The following CAMK1D variants were observed in gnomAD, a reference collection of about 807,000 sequenced individuals.
CAMK1D encodes the protein calcium/calmodulin-dependent protein kinase type 1D.
A neutral mutation model predicts 47.7 loss-of-function variants in CAMK1D; 9 were observed. The ratio of observed to expected loss-of-function variants is 0.19; its 90% CI spans 0.11 to 0.33. The LOEUF is 0.33. Ranked by LOEUF, CAMK1D falls within the 10% of genes least tolerant of loss-of-function variation. CAMK1D has a pLI of 1.00. For missense variants in CAMK1D, 291 were observed against 488.7 expected, an observed-to-expected ratio of 0.60 and a Z score of 3.81; for synonymous variants, 184 against 184.9, an observed-to-expected ratio of 0.99 and a Z score of 0.04.
chr10:12,690,773 G>A (rs778336714), intron 3 of CAMK1D, among the ~76,000 whole-genome samples: 2 of 152,126 alleles, frequency 1.3e-5, no homozygotes, highest in Non-Finnish European at 2.9e-5. Context: ...CATGGGGATT[G>A]GGAGAGCTGG....
In CAMK1D at chr10:12,664,415, T is replaced by C. The variant is rs1488283685; in HGVS notation, c.225-2321T>C. On this transcript the variant is annotated intron_variant, in intron 2 of 10. Transcript: ENST00000619168. ...AAAAGCAGTTTCTAGTCAGCACTCA[T>C]GTAAGACATAGCAGGTTAATAGGCT... Among the ~76,000 whole-genome samples, 3 of 152,326 alleles carry C rather than the reference T, an allele frequency of 2.0e-5. No individual in the cohort carries two copies. The East Asian group carries it at 5.8e-4, about 29-fold the overall frequency.
intron 1 of CAMK1D, among the ~76,000 whole-genome samples, chr10:12,463,630 CTTTTG>C (rs1833502441): frequency 6.6e-6 from 1 of 151,372 alleles, no homozygotes. Context: ...GATTACCACT[CTTTTG>C]TTTTCACTAC....
intron 2 of CAMK1D, among the ~76,000 whole-genome samples, chr10:12,605,380 G>A (rs1838426551): frequency 7.4e-6 from 1 of 134,342 alleles, no homozygotes; most frequent in Non-Finnish European, 1.6e-5. Context: ...GTGTGTCAAA[G>A]AGAGAGACAG....
intron 2 of CAMK1D, among the ~76,000 whole-genome samples, chr10:12,599,461 G>A (rs10795966): frequency 0.31 from 47,733 of 152,084 alleles, 7,865 homozygotes; most frequent in East Asian, 0.47. Flanking sequence ...TGGCATCAGA[G>A]AGTAGGCAGT....
At chr10:12,751,111 GATAA>G (rs1835953363) in intron 3 of CAMK1D, among the ~76,000 whole-genome samples, 3 of 105,100 alleles carry the variant, frequency 2.9e-5, no homozygotes, top group African/African-American at 4.3e-5. Context: ...GATAAGATAA[GATAA>G]GATAAGATAA....
At chr10:12,679,252 A>G (rs1840911964) in intron 3 of CAMK1D, among the ~76,000 whole-genome samples, 1 of 152,208 alleles carries the variant, frequency 6.6e-6, no homozygotes, top group Middle Eastern at 3.2e-3. Context: ...GGTCGCTAAT[A>G]CTCAAATTTA....
At chr10:12,686,622 C>T (rs376648137) in intron 3 of CAMK1D, among the ~76,000 whole-genome samples, 3 of 152,082 alleles carry the variant, frequency 2.0e-5, no homozygotes, top group African/African-American at 7.2e-5. Flanking sequence ...CCACACCTGG[C>T]CATATATACT....
At chr10:12,408,462 C>T (rs1012331660) in intron 1 of CAMK1D, among the ~76,000 whole-genome samples, 16 of 152,276 alleles carry the variant, frequency 1.1e-4, no homozygotes, top group East Asian at 3.9e-4. Context: ...CGTGAGCCAC[C>T]GCACCTGGCC....
At chr10:12,615,835 CGT>C (rs986800317) in intron 2 of CAMK1D, among the ~76,000 whole-genome samples, 48 of 140,670 alleles carry the variant, frequency 3.4e-4, no homozygotes, top group African/African-American at 1.1e-3. Context: ...TGTGTGCGTT[CGT>C]GTGTGTATAG....
At chr10:12,476,988 A>G (rs1833921651) in intron 1 of CAMK1D, among the ~76,000 whole-genome samples, 1 of 152,186 alleles carries the variant, frequency 6.6e-6, no homozygotes, top group African/African-American at 2.4e-5. Context: ...CTGTTGGAAT[A>G]TCCAGGCAGA....
At chr10:12,678,780 A>G (rs892296935) in intron 3 of CAMK1D, among the ~76,000 whole-genome samples, 2 of 151,958 alleles carry the variant, frequency 1.3e-5, no homozygotes, top group African/African-American at 2.4e-5. Context: ...TTTTTAATCC[A>G]ATAATTTTTT....
chr10:12,783,226 C>T (rs559981532), intron 5 of CAMK1D, among the ~76,000 whole-genome samples: 1 of 152,252 alleles, frequency 6.6e-6, no homozygotes, highest in African/African-American at 2.4e-5. Flanking sequence ...CTCCTGACCT[C>T]ACGTGATCCG....
intron 5 of CAMK1D, among the ~76,000 whole-genome samples, chr10:12,771,625 G>A (rs528667121): frequency 7.9e-5 from 12 of 152,348 alleles, no homozygotes; most frequent in African/African-American, 2.9e-4. Context: ...AGATGCAGGG[G>A]TGGAAACGTG....
At position 12,599,587 on chromosome 10, in the gene CAMK1D, C is replaced by T. The variant is rs564724655; in HGVS notation, c.224+46231C>T. Among the ~76,000 whole-genome samples, 6 of 152,186 alleles carry T rather than the reference C, an allele frequency of 3.9e-5. No homozygotes were observed. In the South Asian group the frequency reaches 6.2e-4, roughly 16 times the overall value. On this transcript the variant is annotated intron_variant, in intron 2 of 10. Transcript: ENST00000619168. The stretch of plus-strand genomic sequence containing the variant: ...TGGTTTCTTTTTGTCCCCTTTTAGA[C>T]AAACCTATTCGTGGTAGAAAGAGAG...
chr10:12,361,907 A>T lies in CAMK1D; in HGVS notation c.92+11997A>T, dbSNP rs569441044. On this transcript the variant is annotated intron_variant, in intron 1 of 10. Coordinates refer to ENST00000619168, the MANE Select transcript of CAMK1D (RefSeq NM_153498.4). ...GTTAAACGCCTCCTCCAGCCATTGA[A>T]TATAGCTGGCTGATATTACCTAAGT... 2.6e-5 allele frequency among the ~76,000 whole-genome samples: 4 copies of T among 151,960 alleles called. No homozygotes were observed. The East Asian group carries it at 7.7e-4, about 29-fold the overall frequency.
intron 3 of CAMK1D, among the ~76,000 whole-genome samples, chr10:12,707,407 G>A (rs1472438759): frequency 6.6e-6 from 1 of 152,166 alleles, no homozygotes; most frequent in Non-Finnish European, 1.5e-5. Context: ...TTCTCACTTA[G>A]TAATCCAATT....
intron 2 of CAMK1D, among the ~76,000 whole-genome samples, chr10:12,567,711 T>A (rs1837167527): frequency 6.6e-6 from 1 of 152,222 alleles, no homozygotes; most frequent in South Asian, 2.1e-4. Flanking sequence ...ATTTGCTGCC[T>A]GTGAACGTGT....
intron 2 of CAMK1D, among the ~76,000 whole-genome samples, chr10:12,619,365 AC>A (rs1037477487): frequency 6.6e-5 from 10 of 151,796 alleles, no homozygotes; most frequent in Non-Finnish European, 8.8e-5. Flanking sequence ...ATCATGGCTT[AC>A]TACAGCCTCA....
At chr10:12,460,250 A>G (rs1833382926) in intron 1 of CAMK1D, among the ~76,000 whole-genome samples, 1 of 148,726 alleles carries the variant, frequency 6.7e-6, no homozygotes, top group African/African-American at 2.5e-5. Context: ...CGTATTTCCT[A>G]TTTCTCTATT....
Sources: allele counts gnomAD v4.1 joint callset (sites outside exome capture counted in the v4.1 genomes callset), GRCh38; gene constraint gnomAD v4.1.1; transcripts MANE v1.5; gene names NCBI Gene and HGNC (gene_info 2026-07-23, HGNC 2026-07-21).